Variants in NEGR1 observed in about 807,000 individuals in gnomAD.
The protein encoded by NEGR1 is IgLON family member 4.
A neutral mutation model predicts 40.9 loss-of-function variants in NEGR1; 10 were observed. That is an observed-to-expected ratio of 0.24 (90% CI 0.15 to 0.42). The LOEUF is 0.42. Ranked by LOEUF, NEGR1 falls within the 10% of genes least tolerant of loss-of-function variation. The pLI, the probability that NEGR1 is intolerant of heterozygous loss-of-function variation, is 1.00. For missense variants in NEGR1, 352 were observed against 438.9 expected (o/e 0.80, Z 1.77); for synonymous variants, 185 against 166.8 (o/e 1.11, Z -0.84).
chr1:72,152,956 A>G (rs1330636346), intron 1 of NEGR1, among the ~76,000 whole-genome samples: 1 of 151,842 alleles, frequency 6.6e-6, no homozygotes, highest in Non-Finnish European at 1.5e-5. Flanking sequence ...ATCAATATGG[A>G]AACAATAGAC....
intron 1 of NEGR1, among the ~76,000 whole-genome samples, chr1:72,276,518 T>C (rs1033736436): frequency 4.6e-5 from 7 of 152,310 alleles, no homozygotes; most frequent in African/African-American, 1.7e-4. Flanking sequence ...AAGAACGTTA[T>C]ATATTTTCCT....
chr1:71,475,531 A>T (rs1421957564), intron 6 of NEGR1, among the ~76,000 whole-genome samples: 2 of 152,102 alleles, frequency 1.3e-5, no homozygotes, highest in Non-Finnish European at 2.9e-5. Flanking sequence ...AATGTTATTA[A>T]TAATATTTTC....
intron 2 of NEGR1, among the ~76,000 whole-genome samples, chr1:71,887,473 C>A (rs1660754344): frequency 6.6e-6 from 1 of 152,130 alleles, no homozygotes; most frequent in Non-Finnish European, 1.5e-5. Context: ...ATTCCTTGTA[C>A]TAGGATTTTT....
intron 6 of NEGR1, among the ~76,000 whole-genome samples, chr1:71,539,617 T>C (rs909003388): frequency 2.0e-4 from 31 of 151,696 alleles, no homozygotes; most frequent in Non-Finnish European, 2.4e-4. Context: ...TATACGTATC[T>C]CTGTATATAT....
chr1:71,464,470 G>A (rs1055414017), intron 6 of NEGR1, among the ~76,000 whole-genome samples: 1 of 151,974 alleles, frequency 6.6e-6, no homozygotes, highest in African/African-American at 2.4e-5. Flanking sequence ...TCTAATTATA[G>A]CTTTATCCAC....
intron 1 of NEGR1, among the ~76,000 whole-genome samples, chr1:71,980,092 C>T (rs540499424): frequency 6.6e-6 from 1 of 152,070 alleles, no homozygotes; most frequent in Non-Finnish European, 1.5e-5. Flanking sequence ...GCCCAAATAA[C>T]AGAACGTGCA....
At chr1:72,058,483 C>T (rs529409565) in intron 1 of NEGR1, among the ~76,000 whole-genome samples, 1 of 151,546 alleles carries the variant, frequency 6.6e-6, no homozygotes, top group African/African-American at 2.4e-5. Flanking sequence ...ATAAACATAG[C>T]AGTACATTTT....
chr1:71,548,079 C>T (rs575067388), intron 6 of NEGR1, among the ~76,000 whole-genome samples: 8 of 151,746 alleles, frequency 5.3e-5, no homozygotes, highest in African/African-American at 1.7e-4. Context: ...ATAACTACAG[C>T]CTTAGCCATC....
At chr1:71,493,761 T>C (rs1017526236) in intron 6 of NEGR1, among the ~76,000 whole-genome samples, 1 of 152,204 alleles carries the variant, frequency 6.6e-6, no homozygotes, top group Non-Finnish European at 1.5e-5. Flanking sequence ...TCTTAAATAT[T>C]TCCAGTTTTT....
chr1:71,520,100 A>T (rs1647145296), intron 6 of NEGR1, among the ~76,000 whole-genome samples: 1 of 152,062 alleles, frequency 6.6e-6, no homozygotes, highest in African/African-American at 2.4e-5. Context: ...TTAATTTTTA[A>T]GTTTGTAGGA....
At chr1:71,702,379 A>C (rs1044322519) in intron 3 of NEGR1, among the ~76,000 whole-genome samples, 2 of 152,186 alleles carry the variant, frequency 1.3e-5, no homozygotes, top group Non-Finnish European at 2.9e-5. Flanking sequence ...ATGCTGTCAT[A>C]ATATCACTGT....
At chr1:72,219,455 G>A (rs934765746) in intron 1 of NEGR1, among the ~76,000 whole-genome samples, 1 of 151,942 alleles carries the variant, frequency 6.6e-6, no homozygotes, top group Non-Finnish European at 1.5e-5. Context: ...GCCAAGGCAA[G>A]CTTGGCATTT....
chr1:71,767,703 A>G (rs1347271785), intron 3 of NEGR1, among the ~76,000 whole-genome samples: 13 of 152,190 alleles, frequency 8.5e-5, no homozygotes, highest in Non-Finnish European at 1.9e-4. Flanking sequence ...AAAATGAGGA[A>G]AAGATCTCAA....
At chr1:71,582,281 CTG>C (rs1470536866) in intron 6 of NEGR1, among the ~76,000 whole-genome samples, 2 of 152,074 alleles carry the variant, frequency 1.3e-5, no homozygotes, top group African/African-American at 2.4e-5. Flanking sequence ...TAACAAAAGA[CTG>C]TTATGATGCA....
At chr1:71,781,587 C>T (rs1656719471) in intron 2 of NEGR1, among the ~76,000 whole-genome samples, 2 of 152,126 alleles carry the variant, frequency 1.3e-5, no homozygotes, top group Admixed American at 1.3e-4. Flanking sequence ...TTTATTTAAT[C>T]TGGCTCATAA....
rs1407132901 is a variant in NEGR1 at position 72,191,384 on chromosome 1, T to TTATGCTGAGATCATAA, written c.176+90919_176+90934dup. Among the ~76,000 whole-genome samples the TTATGCTGAGATCATAA allele has an allele frequency of 2.0e-5, 3 of 151,714 alleles. No homozygotes were observed. The East Asian group carries it at 5.8e-4, about 29-fold the overall frequency. ...TCATTATGAGGCAATACCTGATAGT[T>TTATGCTGAGATCATAA]TATGCTGAGATCATAATACACACAC... On this transcript the variant is annotated intron_variant, in intron 1 of 6. Transcript: ENST00000357731.
intron 3 of NEGR1, among the ~76,000 whole-genome samples, chr1:71,759,061 T>C (rs1281664189): frequency 6.6e-6 from 1 of 152,128 alleles, no homozygotes; most frequent in Non-Finnish European, 1.5e-5. Flanking sequence ...TGTGCTAACC[T>C]ATGTTAGAGC....
At chr1:71,700,551 C>A (rs553441298) in intron 3 of NEGR1, among the ~76,000 whole-genome samples, 3 of 152,090 alleles carry the variant, frequency 2.0e-5, no homozygotes, top group African/African-American at 7.2e-5. Context: ...CTGCTTAAAA[C>A]CAGTAAATTA....
chr1:72,166,614 T>G (rs1651774564), intron 1 of NEGR1, among the ~76,000 whole-genome samples: 1 of 151,994 alleles, frequency 6.6e-6, no homozygotes, highest in Non-Finnish European at 1.5e-5. Flanking sequence ...AGAAGGAAAT[T>G]CTGTCATTTC....
Sources: gnomAD v4.1 joint callset for allele counts (sites outside exome capture counted in the v4.1 genomes callset) on GRCh38, gnomAD v4.1.1 for gene constraint, MANE v1.5 for transcripts, NCBI Gene and HGNC (gene_info 2026-07-23, HGNC 2026-07-21) for gene names.